Variants in USP5 observed in about 807,000 individuals in gnomAD.
USP5 encodes ubiquitin carboxyl-terminal hydrolase 5.
USP5 carries 24 observed loss-of-function variants against 102.5 expected under a neutral mutation model. The ratio of observed to expected loss-of-function variants is 0.23; its 90% CI spans 0.17 to 0.33. The LOEUF (loss-of-function observed/expected upper bound fraction) is 0.33. Ranked by LOEUF, USP5 falls within the 10% of genes least tolerant of loss-of-function variation. USP5 has a pLI of 1.00. For missense variants in USP5, 753 were observed against 1,122.1 expected (o/e 0.67, Z 4.70); for synonymous variants, 460 against 434.8 (o/e 1.06, Z -0.72).
In USP5 at chr12:6,852,305, C is replaced by T; in HGVS notation, c.111+15C>T. ...TCGACACGCCGGTAAGCCCATTCCCCACGCCCGCAACGAGCACGACTTCCT... is the reference window on the plus strand; with the variant it reads ...TCGACACGCCGGTAAGCCCATTCCCTACGCCCGCAACGAGCACGACTTCCT... On this transcript the variant is annotated intron_variant, in intron 1 of 19. Coordinates refer to ENST00000229268, the MANE Select transcript of USP5 (RefSeq NM_001098536.2). 6.3e-7 allele frequency: 1 copy of T among 1,598,206 alleles called. No homozygotes were observed. Among genetic ancestry groups the T allele is most frequent in the Non-Finnish European group, 8.5e-7 (1 of 1,172,316 alleles).
intron 13 of USP5, 85 bp from the exon 14 acceptor site, chr12:6,862,385 A>AT: frequency 8.3e-7 from 1 of 1,205,306 alleles, no homozygotes; most frequent in African/African-American, 1.5e-5. Context: ...ACTTCTACCC[A>AT]TGAGGGGCTG....
In USP5 at chr12:6,863,593, C is replaced by T. The variant is rs935400138; in HGVS notation, c.1954+216C>T. Among the ~76,000 whole-genome samples, 2 of 152,146 alleles carry T rather than the reference C, an allele frequency of 1.3e-5. No individual in the cohort carries two copies. Among genetic ancestry groups the T allele is most frequent in the African/African-American group, 4.8e-5 (2 of 41,428 alleles). On this transcript the variant is annotated intron_variant, in intron 15 of 19. Transcript: ENST00000229268. This position sits in a 1 kb window ranked among gnomAD's most constrained non-coding sequence, Gnocchi z 4.7. ...CTAGTGGCCTCTCTGCCCTTGTTAC[C>T]TCCCTGGTTTGGGTAGGGTGGGGGT...
chr12:6,855,338 T>C lies in USP5; in HGVS notation c.112-63T>C. The C allele has an allele frequency of 6.3e-7, 1 of 1,588,650 alleles. No individual in the cohort carries two copies. The highest frequency in any genetic ancestry group is 8.6e-7 in the Non-Finnish European group (1 of 1,167,574). ...AGCAGTTTCTGACTCCAGGTTTTGG[T>C]TTCCTCACCTGACCAGGCTTCATAA... On this transcript the variant is annotated intron_variant, in intron 1 of 19. Transcript: ENST00000229268. The surrounding 1 kb of genome is among the most constrained non-coding windows in gnomAD (Gnocchi z 4.6).
chr12:6,858,848 G>T lies in USP5; in HGVS notation c.1058+231G>T. ...AGCCTGGGCAACATAGCGAGACCCT[G>T]TCTTCTCTTAAAAAAAAAAAAGAAT... is the stretch of plus-strand genomic sequence containing the variant. On this transcript the variant is annotated intron_variant, in intron 8 of 19. Transcript: ENST00000229268. The surrounding 1 kb of genome is among the most constrained non-coding windows in gnomAD (Gnocchi z 4.2). 2.4e-6 allele frequency: 1 copy of T among 413,820 alleles called. No homozygotes were observed. Among genetic ancestry groups the T allele is most frequent in the Non-Finnish European group, 4.4e-6 (1 of 228,502 alleles). The allele number at this position is 413,820 out of a possible 1,614,324, so 25.6% of individuals were successfully genotyped here. A position where few individuals can be genotyped will look rare whatever the true frequency, so the allele number is the denominator to read the frequency against.
In USP5 at chr12:6,863,807, T is replaced by C. The variant is rs781818028; in HGVS notation, c.1955-23T>C. On this transcript the variant is annotated intron_variant, in intron 15 of 19. Transcript: ENST00000229268. The surrounding 1 kb of genome is among the most constrained non-coding windows in gnomAD (Gnocchi z 4.7). ...AACAGTGGCCCAATCAGTCGGTCCG[T>C]GTACCCACAATTCCCATTACAGCGC... The C allele has an allele frequency of 8.4e-6, 13 of 1,552,680 alleles. No homozygotes were observed. In the Admixed American group the frequency reaches 2.4e-4, roughly 29 times the overall value.
rs1944094971 is a variant in USP5, at chr12:6,855,852, C to T, written c.304+31C>T. ...CACCGCTGCAGTCCTATTCTTCTCC[C>T]TGAGCTGGTCTTTCTGGCTCTCAGC... On this transcript the variant is annotated intron_variant, in intron 3 of 19. Transcript: ENST00000229268. The surrounding 1 kb of genome is among the most constrained non-coding windows in gnomAD (Gnocchi z 4.6). 1.2e-6 allele frequency: 2 copies of T among 1,614,004 alleles called. No individual in the cohort carries two copies. Among genetic ancestry groups the T allele is most frequent in the South Asian group, 2.2e-5 (2 of 91,072 alleles).
At chr12:6,853,692 T>A (rs975651124) in intron 1 of USP5, among the ~76,000 whole-genome samples, 4 of 152,240 alleles carry the variant, frequency 2.6e-5, no homozygotes, top group African/African-American at 9.6e-5. Context: ...TCTGAAACTT[T>A]CCCTTTTTCA....
In USP5 at chr12:6,864,202, G is replaced by A. The variant is rs782518768; in HGVS notation, c.2244+7G>A. On this transcript the variant is annotated splice_region_variant and intron_variant, in intron 17 of 19. Coordinates refer to ENST00000229268, the MANE Select transcript of USP5 (RefSeq NM_001098536.2). This position sits in a 1 kb window ranked among gnomAD's most constrained non-coding sequence, Gnocchi z 4.8. ...GAAAGCGCTGCGGGCCACGGTATGGGCTGCCCCAGCTAAGGACATGGGGCC... is the reference window on the plus strand; with the variant it reads ...GAAAGCGCTGCGGGCCACGGTATGGACTGCCCCAGCTAAGGACATGGGGCC... The A allele has an allele frequency of 1.9e-6, 3 of 1,594,800 alleles. No individual in the cohort carries two copies. Among genetic ancestry groups the A allele is most frequent in the East Asian group, 2.2e-5 (1 of 44,588 alleles).
At chr12:6,853,551 A>C (rs1270188066) in intron 1 of USP5, among the ~76,000 whole-genome samples, 4 of 152,242 alleles carry the variant, frequency 2.6e-5, no homozygotes, top group Non-Finnish European at 4.4e-5. Context: ...CATTCTTCCC[A>C]GGAGGGAAAG....
rs781797847 is a variant in USP5 at position 6,860,144 on chromosome 12, A to G, written c.1131-7A>G. 6.2e-7 allele frequency: 1 copy of G among 1,608,030 alleles called. No individual in the cohort carries two copies. The highest frequency in any genetic ancestry group is 8.5e-7 in the Non-Finnish European group (1 of 1,178,424). On this transcript the variant is annotated splice_polypyrimidine_tract_variant and splice_region_variant and intron_variant, in intron 9 of 19. Transcript: ENST00000229268. The surrounding 1 kb of genome is among the most constrained non-coding windows in gnomAD (Gnocchi z 5.5). ...GAAGTGAAATGTTTTCTTGGATATTAATGCAGGGCCAAGCTGGGCCATGGC... is the reference window on the plus strand; with the variant it reads ...GAAGTGAAATGTTTTCTTGGATATTGATGCAGGGCCAAGCTGGGCCATGGC...
intron 13 of USP5, 136 bp from the exon 14 acceptor site, chr12:6,862,334 A>G: frequency 1.3e-6 from 1 of 756,736 alleles, no homozygotes; most frequent in South Asian, 1.6e-5. Context: ...ACACCTGCCC[A>G]GGGGAAGAGA....
Position 6,863,483 on chromosome 12 carries a change from A to C in USP5, c.1954+106A>C. On this transcript the variant is annotated intron_variant, in intron 15 of 19. Coordinates refer to ENST00000229268, the MANE Select transcript of USP5 (RefSeq NM_001098536.2). This position sits in a 1 kb window ranked among gnomAD's most constrained non-coding sequence, Gnocchi z 4.7. The stretch of plus-strand genomic sequence containing the variant: ...TGTGTTTCTCCTGTCCTCCCTTTCA[A>C]ATTTCCTCTGCCCTCTTTGATTGAC... 2 of 1,370,630 alleles carry C rather than the reference A, an allele frequency of 1.5e-6. No homozygotes were observed. Among genetic ancestry groups the C allele is most frequent in the East Asian group, 2.3e-5 (1 of 42,930 alleles). The allele number at this position is 1,370,630 out of a possible 1,614,324, so 84.9% of individuals were successfully genotyped here. A position where few individuals can be genotyped will look rare whatever the true frequency, so the allele number is the denominator to read the frequency against.
At position 6,866,263 on chromosome 12, in the gene USP5, G is replaced by A. The variant is rs1753232844; in HGVS notation, c.*186G>A. On this transcript the variant is annotated 3_prime_UTR_variant, in exon 20 of 20. Coordinates refer to ENST00000229268, the MANE Select transcript of USP5 (RefSeq NM_001098536.2). This position sits in a 1 kb window ranked among gnomAD's most constrained non-coding sequence, Gnocchi z 4.7. ...AGCAGAGGGGCAGCGATAGACTCTG[G>A]GGATGGAGCAGGACGGGGACGGGAG... 3.3e-6 allele frequency: 2 copies of A among 605,288 alleles called. No individual in the cohort carries two copies. Among genetic ancestry groups the A allele is most frequent in the Non-Finnish European group, 5.8e-6 (2 of 343,206 alleles). 37.5% of individuals were successfully genotyped at this position (605,288 alleles called of 1,614,324 possible).
chr12:6,856,416 A>G lies in USP5; in HGVS notation c.550A>G (p.Lys184Glu). The G allele has an allele frequency of 6.2e-7, 1 of 1,613,662 alleles. No homozygotes were observed. The highest frequency in any genetic ancestry group is 1.1e-5 in the South Asian group (1 of 91,056). ...RQVSKHAFSL[K>E]QLDNPARIPP... ...GGTGTCTAAGCATGCCTTCAGCCTC[A>G]AGCAGTTGGACAACCCTGCTCGAAT... is the stretch of plus-strand genomic sequence containing the variant. Residue 184 changes from lysine to glutamate, a missense_variant, in exon 5 of 20, where the codon AAG becomes GAG. Physicochemically the swap from Lys to Glu is moderately conservative, Grantham distance 56. Transcript: ENST00000229268. The surrounding 1 kb of genome is among the most constrained non-coding windows in gnomAD (Gnocchi z 5.6).
rs1022097381 is a variant in USP5, at chr12:6,855,841, T to C, written c.304+20T>C. The C allele has an allele frequency of 1.9e-6, 3 of 1,614,104 alleles. No individual in the cohort carries two copies. The highest frequency in any genetic ancestry group is 1.7e-5 in the Admixed American group (1 of 60,018). ...CTATTGGTGAGCACCGCTGCAGTCC[T>C]ATTCTTCTCCCTGAGCTGGTCTTTC... On this transcript the variant is annotated intron_variant, in intron 3 of 19. Transcript: ENST00000229268. The surrounding 1 kb of genome is among the most constrained non-coding windows in gnomAD (Gnocchi z 4.6).
At chr12:6,857,771 G>A (rs1555128682) in intron 7 of USP5, 48 bp downstream of exon 7, 1 of 1,595,466 alleles carries the variant, frequency 6.3e-7, no homozygotes. Context: ...GCCCCTGTGA[G>A]GGCCCTTCCT....
intron 6 of USP5, among the ~76,000 whole-genome samples, chr12:6,857,199 C>T (rs782262195): frequency 1.3e-5 from 2 of 152,120 alleles, no homozygotes; most frequent in Non-Finnish European, 2.9e-5. Context: ...GAGGCTGAGG[C>T]AGGAGGATTG....
Position 6,856,387 on chromosome 12 carries a change from G to A in USP5, c.521G>A (p.Arg174Gln). The A allele has an allele frequency of 2.5e-6, 4 of 1,613,972 alleles. No individual in the cohort carries two copies. Among genetic ancestry groups the A allele is most frequent in the South Asian group, 1.1e-5 (1 of 91,074 alleles). Reference sequence around the variant, plus strand: ...GTGCAGGCATGGGATGGGGAAGTACGGCAGGTGTCTAAGCATGCCTTCAGC... The same window carrying A: ...GTGCAGGCATGGGATGGGGAAGTACAGCAGGTGTCTAAGCATGCCTTCAGC... ...QEVQAWDGEV[R>Q]QVSKHAFSLK... is the part of the protein sequence containing the mutation. The change falls in exon 5 of 20, where the codon CGG becomes CAG. Residue 174 changes from arginine to glutamine, a missense_variant. Around this residue, in one of 3 missense-constraint regions of USP5, gnomAD observed 527 missense variants for 816.5 expected, o/e 0.65. Coordinates refer to ENST00000229268, the MANE Select transcript of USP5 (RefSeq NM_001098536.2). The surrounding 1 kb of genome is among the most constrained non-coding windows in gnomAD (Gnocchi z 5.6).
chr12:6,852,722 G>T (rs147157708), intron 1 of USP5, among the ~76,000 whole-genome samples: 2 of 152,208 alleles, frequency 1.3e-5, no homozygotes, highest in East Asian at 1.9e-4. Context: ...GTTGGAGTTG[G>T]GGGGTGGGGA....
Sources: gnomAD v4.1 joint callset for allele counts (sites outside exome capture counted in the v4.1 genomes callset) on GRCh38, gnomAD v4.1.1 for gene constraint, gnomAD v4.1.1 regional missense constraint, Gnocchi (gnomAD v3.1) non-coding constraint, MANE v1.5 for transcripts, NCBI Gene and HGNC (gene_info 2026-07-23, HGNC 2026-07-21) for gene names.